The following IMPG1 variants were observed in gnomAD, a reference collection of about 807,000 sequenced individuals.
IMPG1 encodes interphotoreceptor matrix proteoglycan 1.
Under a neutral mutation model 92.0 loss-of-function variants are expected in IMPG1, and 85 were observed. The ratio of observed to expected loss-of-function variants is 0.92; its 90% CI spans 0.78 to 1.11. The LOEUF is 1.11. Among genes scored for constraint, IMPG1 ranks in the 50% least tolerant of loss-of-function variants. The pLI is 0.00. For synonymous variants in IMPG1, 367 were observed against 334.1 expected (o/e 1.10, Z -1.08); for missense variants, 1,022 against 956.0 (o/e 1.07, Z -0.91).
intron 1 of IMPG1, among the ~76,000 whole-genome samples, chr6:76,050,440 C>A (rs1249133817): frequency 3.4e-5 from 5 of 149,188 alleles, no homozygotes; most frequent in Admixed American, 6.7e-5. Context: ...GAGACTCCTT[C>A]AAAAAAAAAA....
Position 75,951,022 on chromosome 6 carries a change from C to T in IMPG1, c.1364G>A (p.Ser455Asn). 1.2e-6 allele frequency: 2 copies of T among 1,613,766 alleles called. No individual in the cohort carries two copies. Among genetic ancestry groups the T allele is most frequent in the Non-Finnish European group, 1.7e-6 (2 of 1,179,816 alleles). ...GCCTTGATCAGTCAGAGAGAAGATG[C>T]TTGATGCCATAAAGAAAGGTGGAGC... ...SEAPPFFMASSIFSLTDQGTT... is the reference protein window; with the variant it reads ...SEAPPFFMASNIFSLTDQGTT... Residue 455 changes from serine to asparagine, a missense_variant, in exon 13 of 17, where the codon AGC (serine) becomes AAC (asparagine). Ser to Asn is a conservative substitution (Grantham distance 46). Coordinates refer to ENST00000369950, the MANE Select transcript of IMPG1 (RefSeq NM_001563.4).
chr6:75,950,696 T>C lies in IMPG1; in HGVS notation c.1690A>G (p.Met564Val), dbSNP rs1406949100. 1 of 1,613,920 alleles carries C rather than the reference T, an allele frequency of 6.2e-7. No homozygotes were observed. Among genetic ancestry groups the C allele is most frequent in the South Asian group, 1.1e-5 (1 of 91,064 alleles). ...TCTCGGCCCTTGGGGGCAATGGTCA[T>C]AGAACTAGTGGTGATATACTGTAAA... Reference protein sequence around the residue: ...SALQYITTSSMTIAPKGRELV... With the variant: ...SALQYITTSSVTIAPKGRELV... Residue 564 changes from methionine to valine, a missense_variant, in exon 13 of 17, where the codon ATG becomes GTG. Met to Val is a conservative substitution (Grantham distance 21). Around this residue, in one of 3 missense-constraint regions of IMPG1, gnomAD observed 332 missense variants for 346.2 expected, o/e 0.96. Transcript: ENST00000369950.
chr6:76,017,828 C>T (rs1328956588), intron 7 of IMPG1, among the ~76,000 whole-genome samples: 1 of 152,236 alleles, frequency 6.6e-6, no homozygotes, highest in Non-Finnish European at 1.5e-5. Context: ...TCTTGGCTCA[C>T]TGCCACCTCT....
chr6:76,013,400 T>A (rs1305694067), intron 7 of IMPG1, among the ~76,000 whole-genome samples: 3 of 152,180 alleles, frequency 2.0e-5, no homozygotes, highest in Non-Finnish European at 4.4e-5. Context: ...CAAGTTCCTA[T>A]GAATTATTTT....
intron 1 of IMPG1, among the ~76,000 whole-genome samples, chr6:76,064,163 A>G (rs1436102783): frequency 6.6e-6 from 1 of 151,874 alleles, no homozygotes; most frequent in Non-Finnish European, 1.5e-5. Flanking sequence ...CTAGGGGTAG[A>G]ATGGAGGACA....
chr6:75,956,855 G>A (rs946141237), intron 12 of IMPG1, among the ~76,000 whole-genome samples: 11 of 152,136 alleles, frequency 7.2e-5, no homozygotes, highest in African/African-American at 2.2e-4. Flanking sequence ...TATTTACCCA[G>A]TAGTCATTCA....
chr6:76,034,210 T>A (rs1416299399), intron 4 of IMPG1, 105 bp downstream of exon 4: 2 of 1,033,190 alleles, frequency 1.9e-6, no homozygotes, highest in Non-Finnish European at 3.0e-6. Context: ...CAGCTCTTAG[T>A]GGCTGACATA....
At chr6:76,053,586 G>A (rs1380019503) in intron 1 of IMPG1, among the ~76,000 whole-genome samples, 3 of 152,134 alleles carry the variant, frequency 2.0e-5, no homozygotes, top group African/African-American at 7.2e-5. Flanking sequence ...TTTACTTCTG[G>A]TTCCAGCTGT....
chr6:76,040,901 T>C (rs1414465807), intron 2 of IMPG1, among the ~76,000 whole-genome samples: 1 of 152,228 alleles, frequency 6.6e-6, no homozygotes. Flanking sequence ...GTTGTCATAG[T>C]GTACAACACA....
At chr6:75,972,944 G>A (rs1309918229) in intron 12 of IMPG1, among the ~76,000 whole-genome samples, 1 of 152,118 alleles carries the variant, frequency 6.6e-6, no homozygotes, top group African/African-American at 2.4e-5. Context: ...AGAATCAGTG[G>A]AATCAGTGTT....
At chr6:75,976,344 T>C (rs1459477314) in intron 12 of IMPG1, among the ~76,000 whole-genome samples, 1 of 151,566 alleles carries the variant, frequency 6.6e-6, no homozygotes, top group Non-Finnish European at 1.5e-5. Context: ...GCAGGCCACT[T>C]TGAGCTTAGG....
At chr6:76,050,453 A>G (rs1304885873) in intron 1 of IMPG1, among the ~76,000 whole-genome samples, 1 of 152,056 alleles carries the variant, frequency 6.6e-6, no homozygotes, top group Admixed American at 6.6e-5. Context: ...AAAAAAAATT[A>G]GGTTTGGATC....
intron 12 of IMPG1, among the ~76,000 whole-genome samples, chr6:75,973,473 A>G (rs1264850247): frequency 2.0e-5 from 3 of 152,218 alleles, no homozygotes; most frequent in East Asian, 1.9e-4. Context: ...TAGATGATAA[A>G]AACAGCTCTC....
At chr6:75,977,358 C>T (rs1054603840) in intron 12 of IMPG1, among the ~76,000 whole-genome samples, 12 of 152,200 alleles carry the variant, frequency 7.9e-5, no homozygotes, top group East Asian at 3.9e-4. Context: ...GAGGCTGAGG[C>T]GGGCAGATCA....
chr6:75,947,340 T>A lies in IMPG1; in HGVS notation c.2018A>T (p.Asp673Val), dbSNP rs749332855. ...AAAQQLHLEI[D>V]SYSLNIEPAD... ...TGGTTCAATGTTGAGAGAGTAGCTG[T>A]CTATTTCCAGATGGAGTTGTTGGGC... is the stretch of plus-strand genomic sequence containing the variant. The change falls in exon 14 of 17, where the codon GAC becomes GTC. Residue 673 changes from aspartate to valine, a missense_variant. Physicochemically the swap from Asp to Val is radical, Grantham distance 152. Around this residue, in one of 3 missense-constraint regions of IMPG1, gnomAD observed 332 missense variants for 346.2 expected, o/e 0.96. Coordinates refer to ENST00000369950, the MANE Select transcript of IMPG1 (RefSeq NM_001563.4). The A allele has an allele frequency of 1.9e-6, 3 of 1,613,718 alleles. No individual in the cohort carries two copies. The highest frequency in any genetic ancestry group is 2.7e-5 in the African/African-American group (2 of 74,924).
intron 1 of IMPG1, among the ~76,000 whole-genome samples, chr6:76,065,466 A>G (rs985329598): frequency 6.6e-6 from 1 of 152,140 alleles, no homozygotes; most frequent in East Asian, 1.9e-4. Context: ...TTAACAATAG[A>G]CTAGACCAAG....
intron 2 of IMPG1, among the ~76,000 whole-genome samples, chr6:76,039,954 C>T (rs1783806493): frequency 6.6e-6 from 1 of 152,194 alleles, no homozygotes; most frequent in Non-Finnish European, 1.5e-5. Context: ...AGTGCTTTCT[C>T]TCCTAAGTTT....
intron 8 of IMPG1, among the ~76,000 whole-genome samples, chr6:76,009,024 AC>A (rs1783142225): frequency 6.6e-6 from 1 of 152,188 alleles, no homozygotes; most frequent in African/African-American, 2.4e-5. Flanking sequence ...TTTGAGATGC[AC>A]CCATGTTGTT....
chr6:76,006,335 A>G (rs1488222850), intron 9 of IMPG1, among the ~76,000 whole-genome samples: 2 of 148,586 alleles, frequency 1.3e-5, no homozygotes, highest in East Asian at 1.9e-4. Flanking sequence ...TATATTATAT[A>G]TATGCACACA....
Sources: allele counts gnomAD v4.1 joint callset (sites outside exome capture counted in the v4.1 genomes callset), GRCh38; gene constraint gnomAD v4.1.1; regional missense constraint gnomAD v4.1.1; transcripts MANE v1.5; gene names NCBI Gene and HGNC (gene_info 2026-07-23, HGNC 2026-07-21).